XRCC3: variants seen among roughly 807,000 people sequenced by gnomAD.
The protein encoded by XRCC3 is X-ray repair cross complementing 3.
In XRCC3, 34 loss-of-function variants were observed where a neutral mutation model predicts 29.2. The ratio of observed to expected loss-of-function variants is 1.16; its 90% confidence interval spans 0.88 to 1.55. XRCC3 has a LOEUF of 1.55. Ranked by LOEUF, XRCC3 falls within the 40% of genes most tolerant of loss-of-function variation. XRCC3 has a pLI of 0.00. For synonymous variants in XRCC3, 223 were observed against 211.3 expected (o/e 1.06, Z -0.48); for missense variants, 463 against 467.6 (o/e 0.99, Z 0.09).
chr14:103,702,980 C>G (rs2083285516), intron 7 of XRCC3, 193 bp downstream of exon 7: 1 of 817,778 alleles, frequency 1.2e-6, no homozygotes, highest in African/African-American at 1.7e-5. Flanking sequence ...CTGCCAGTTC[C>G]TCTCAGTCAC....
chr14:103,714,442 A>G (rs1477761113), intron 1 of XRCC3, among the ~76,000 whole-genome samples: 1 of 150,892 alleles, frequency 6.6e-6, no homozygotes, highest in Non-Finnish European at 1.5e-5. Context: ...AGCCTGGGCA[A>G]CACAGCAAGA....
At chr14:103,704,976 C>T (rs1041219938) in intron 6 of XRCC3, 2 of 152,174 alleles carry the variant, frequency 1.3e-5, no homozygotes, top group Admixed American at 1.3e-4. Context: ...GCCCCCACGC[C>T]GTGTCATGCA....
chr14:103,699,060 G>A (rs1384038698), intron 9 of XRCC3, 43 bp from the exon 10 acceptor site: 1 of 1,563,842 alleles, frequency 6.4e-7, no homozygotes, highest in Non-Finnish European at 8.7e-7. Flanking sequence ...AGGCTTGGTG[G>A]CCCCGCCCAC....
In XRCC3 at chr14:103,699,186, G is replaced by A. The variant is rs1331335605; in HGVS notation, c.775-7C>T. On this transcript the variant is annotated splice_polypyrimidine_tract_variant and splice_region_variant and intron_variant, in intron 8 of 9. Coordinates refer to ENST00000555055, the MANE Select transcript of XRCC3 (RefSeq NM_005432.4). ...CCTCCATGGCCTCTGTCACCTGGAA[G>A]AGCACAGTCCAGGTCAGCTGCAACG... 1.3e-6 allele frequency: 2 copies of A among 1,560,496 alleles called. No homozygotes were observed. Among genetic ancestry groups the A allele is most frequent in the Non-Finnish European group, 1.7e-6 (2 of 1,156,634 alleles).
At chr14:103,703,062 C>T in intron 7 of XRCC3, 111 bp downstream of exon 7, 1 of 1,498,762 alleles carries the variant, frequency 6.7e-7, no homozygotes, top group South Asian at 1.2e-5. Flanking sequence ...AGAGCTGAGC[C>T]CCAACTCTCC....
At chr14:103,701,157 C>A in intron 7 of XRCC3, 1 of 1,549,168 alleles carries the variant, frequency 6.5e-7, no homozygotes, top group Non-Finnish European at 8.7e-7. Context: ...GTAACACTGT[C>A]AGGTTTTGGC....
rs1325728525 is a variant in XRCC3 at position 103,707,043 on chromosome 14, C to G, written c.366G>C (p.Leu122=). The G allele has an allele frequency of 1.3e-6, 2 of 1,567,808 alleles. No individual in the cohort carries two copies. The highest frequency in any genetic ancestry group is 8.6e-7 in the Non-Finnish European group (1 of 1,159,546). Residue 122 remains leucine, a synonymous_variant, in exon 6 of 10, where the codon CTG becomes CTC. Transcript: ENST00000555055. ...GKTQLALQLC[L]AVQFPRQHGG... is the part of the protein sequence containing the mutation. The stretch of plus-strand genomic sequence containing the variant: ...CGTGCTGCCGCGGGAACTGCACAGC[C>G]AGGCAGAGCTGCAGCGCCAGCTGGG...
intron 7 of XRCC3, chr14:103,701,205 C>G: frequency 6.4e-7 from 1 of 1,550,828 alleles, no homozygotes; most frequent in African/African-American, 1.4e-5. Context: ...TTGCAGTGAC[C>G]CCGACCTGGC....
chr14:103,710,598 G>A (rs149685702), intron 4 of XRCC3: 348 of 164,916 alleles, frequency 2.1e-3, no homozygotes, highest in African/African-American at 8.1e-3. Context: ...AAAATTAGCC[G>A]GGCGTGGTGA....
chr14:103,710,882 A>C (rs1595675486), intron 4 of XRCC3, 151 bp downstream of exon 4: 4 of 691,288 alleles, frequency 5.8e-6, no homozygotes, highest in East Asian at 5.5e-5. Context: ...ACACACACAC[A>C]CCTGAAAATC....
At chr14:103,709,060 TCCACCACCCGC>T (rs2083538369) in intron 4 of XRCC3, 2 of 349,024 alleles carry the variant, frequency 5.7e-6, no homozygotes, top group Non-Finnish European at 1.1e-5. Context: ...CACCGAGCTT[TCCACCACCCGC>T]CCACCAGGCA....
chr14:103,708,167 G>T, intron 5 of XRCC3: 1 of 379,424 alleles, frequency 2.6e-6, no homozygotes, highest in South Asian at 2.2e-5. Context: ...GTGGTGGTGG[G>T]ACCGTGGCCA....
At chr14:103,710,983 A>T in intron 4 of XRCC3, 50 bp downstream of exon 4, 1 of 1,599,698 alleles carries the variant, frequency 6.3e-7, no homozygotes, top group Non-Finnish European at 8.6e-7. Flanking sequence ...TGCCTTATAT[A>T]AACTGCACAC....
chr14:103,700,548 C>G (rs1417464356), intron 7 of XRCC3: 3 of 907,290 alleles, frequency 3.3e-6, no homozygotes, highest in East Asian at 2.7e-5. Flanking sequence ...GGCTGTCCCT[C>G]AAGTCCAAGG....
At chr14:103,708,356 C>T (rs1031864948) in intron 5 of XRCC3, 166 bp downstream of exon 5, 10 of 1,033,416 alleles carry the variant, frequency 9.7e-6, no homozygotes, top group Admixed American at 8.1e-5. Context: ...GACCACAGCC[C>T]CATGGGTGTA....
chr14:103,703,243 T>C lies in XRCC3; in HGVS notation c.491A>G (p.Asp164Gly), dbSNP rs2151931131. 1 of 1,564,876 alleles carries C rather than the reference T, an allele frequency of 6.4e-7. No individual in the cohort carries two copies. Among genetic ancestry groups the C allele is most frequent in the African/African-American group, 1.4e-5 (1 of 73,776 alleles). ...LMAQQPRLRT[D>G]VPGELLQKLR... ...CTTCTGAAGCAGCTCTCCTGGAACG[T>C]CAGTGCGCAGCCGCGGCTGCTGGGC... Residue 164 changes from aspartate (D) to glycine (G), a missense_variant, in exon 7 of 10, where the codon GAC (aspartate) becomes GGC (glycine). Asp to Gly is a moderately conservative substitution (Grantham distance 94). Transcript: ENST00000555055.
intron 4 of XRCC3, chr14:103,710,690 TGAG>T (rs1201117051): frequency 3.6e-6 from 1 of 278,232 alleles, no homozygotes. Context: ...TGCACTGAGC[TGAG>T]ATCGCACCAC....
At chr14:103,710,853 AACACACAC>A (rs71126055) in intron 4 of XRCC3, 172 bp downstream of exon 4, 17 of 563,392 alleles carry the variant, frequency 3.0e-5, no homozygotes, top group Admixed American at 9.4e-5. Flanking sequence ...TGTAGTTAAG[AACACACAC>A]ACACACACAC....
intron 5 of XRCC3, 162 bp downstream of exon 5, chr14:103,708,360 G>A: frequency 1.9e-6 from 2 of 1,056,132 alleles, no homozygotes; most frequent in South Asian, 1.4e-5. Flanking sequence ...ACAGCCCCAT[G>A]GGTGTAGGAC....
Sources: gnomAD v4.1 joint callset for allele counts (sites outside exome capture counted in the v4.1 genomes callset) on GRCh38, gnomAD v4.1.1 for gene constraint, MANE v1.5 for transcripts, NCBI Gene and HGNC (gene_info 2026-07-23, HGNC 2026-07-21) for gene names.